Variants in CBLB observed in about 807,000 individuals in gnomAD.
The protein encoded by CBLB is Cbl proto-oncogene B.
Under a neutral mutation model 104.9 loss-of-function variants are expected in CBLB, and 31 were observed. The observed-to-expected ratio is 0.30, with a 90% CI of 0.22 to 0.40. The LOEUF (loss-of-function observed/expected upper bound fraction) is 0.40. Ranked by LOEUF, CBLB falls within the 10% of genes least tolerant of loss-of-function variation. The pLI is 1.00. For synonymous variants in CBLB, 440 were observed against 422.6 expected, an observed-to-expected ratio of 1.04 and a Z score of -0.51; for missense variants, 1,062 against 1,214.6, an observed-to-expected ratio of 0.87 and a Z score of 1.87.
intron 5 of CBLB, among the ~76,000 whole-genome samples, chr3:105,750,947 T>C (rs2076540929): frequency 6.6e-6 from 1 of 152,208 alleles, no homozygotes; most frequent in Non-Finnish European, 1.5e-5. Flanking sequence ...AAATGTTCAT[T>C]ACACATGGTT....
At chr3:105,676,807 G>A (rs2065699530) in intron 17 of CBLB, among the ~76,000 whole-genome samples, 1 of 152,132 alleles carries the variant, frequency 6.6e-6, no homozygotes, top group South Asian at 2.1e-4. Context: ...CTGGATCATG[G>A]GGGTGGTTCC....
intron 3 of CBLB, among the ~76,000 whole-genome samples, chr3:105,796,448 G>A (rs2082266076): frequency 6.6e-6 from 1 of 152,058 alleles, no homozygotes; most frequent in Non-Finnish European, 1.5e-5. Flanking sequence ...CAACTCATGA[G>A]GATTAAAGAC....
At chr3:105,738,618 T>C (rs2075200522) in intron 7 of CBLB, among the ~76,000 whole-genome samples, 1 of 152,040 alleles carries the variant, frequency 6.6e-6, no homozygotes, top group Non-Finnish European at 1.5e-5. Context: ...AAAATCATGA[T>C]TAGGGTACCA....
At chr3:105,691,817 T>A (rs3821489) in intron 13 of CBLB, among the ~76,000 whole-genome samples, 27,076 of 152,160 alleles carry the variant, frequency 0.18, 2,830 homozygotes, top group East Asian at 0.52. Flanking sequence ...GTCCCCTGAA[T>A]GATGCCAAAT....
intron 3 of CBLB, among the ~76,000 whole-genome samples, chr3:105,785,359 T>C (rs1377876251): frequency 1.3e-5 from 2 of 152,230 alleles, no homozygotes; most frequent in Non-Finnish European, 2.9e-5. Context: ...ACTCTGAAGT[T>C]TGACTTTCAA....
At chr3:105,803,572 T>C (rs993660059) in intron 3 of CBLB, among the ~76,000 whole-genome samples, 1 of 152,128 alleles carries the variant, frequency 6.6e-6, no homozygotes, top group Admixed American at 6.6e-5. Flanking sequence ...GCACAGGGAG[T>C]TGTGGCTCAC....
chr3:105,665,846 T>C (rs1247168729), intron 18 of CBLB, among the ~76,000 whole-genome samples: 1 of 151,506 alleles, frequency 6.6e-6, no homozygotes, highest in East Asian at 1.9e-4. Flanking sequence ...CTGGCCAATA[T>C]GGTGAAACCC....
intron 2 of CBLB, among the ~76,000 whole-genome samples, chr3:105,857,759 C>G (rs1214441121): frequency 6.6e-6 from 1 of 152,164 alleles, no homozygotes; most frequent in African/African-American, 2.4e-5. Flanking sequence ...GGCATTGTTT[C>G]AGGCTCTAGG....
chr3:105,703,303 A>T (rs957555474), intron 11 of CBLB, among the ~76,000 whole-genome samples: 2 of 152,214 alleles, frequency 1.3e-5, no homozygotes, highest in African/African-American at 4.8e-5. Flanking sequence ...CAGGAAAATC[A>T]AACACTACTA....
rs1235323193 is a variant in CBLB, at chr3:105,815,435, TGAAA to T, written c.419+37975_419+37978del. ...CAATTTCTATCAGTTCCAATGAAAC[TGAAA>T]GAAATTTCATGATGTATCACTGGCC... On this transcript the variant is annotated intron_variant, in intron 3 of 18. Coordinates refer to ENST00000394030, the MANE Select transcript of CBLB (RefSeq NM_170662.5). 4.3e-4 allele frequency among the ~76,000 whole-genome samples: 66 copies of T among 152,310 alleles called. 1 individual carries two copies. Among genetic ancestry groups the T allele is most frequent in the African/African-American group, 1.6e-3 (66 of 41,566 alleles).
chr3:105,796,638 A>C (rs1184947805), intron 3 of CBLB, among the ~76,000 whole-genome samples: 1 of 152,246 alleles, frequency 6.6e-6, no homozygotes, highest in Non-Finnish European at 1.5e-5. Flanking sequence ...CTATCAACAG[A>C]GTAAACAGAC....
At chr3:105,850,196 G>C (rs1170577926) in intron 3 of CBLB, among the ~76,000 whole-genome samples, 1 of 152,060 alleles carries the variant, frequency 6.6e-6, no homozygotes. Flanking sequence ...CTCTAATTGA[G>C]AGAGAAAATT....
intron 3 of CBLB, among the ~76,000 whole-genome samples, chr3:105,850,841 C>T (rs998759414): frequency 1.3e-5 from 2 of 152,174 alleles, no homozygotes; most frequent in African/African-American, 4.8e-5. Context: ...CTTTAAAACA[C>T]TTGTCTCCAA....
Position 105,720,152 on chromosome 3 carries a change from C to T in CBLB, c.1302G>A (p.Arg434=). 6.2e-7 allele frequency: 1 copy of T among 1,613,852 alleles called. No individual in the cohort carries two copies. The part of the protein sequence containing the change: ...DPFDPRDEGS[R]CCSIIDPFGM... ...CAAAGGGGTCAATGATGCTGCAACA[C>T]CTGGAGCCTTCATCTCTTGGATCAA... The change falls in exon 10 of 19, where the codon AGG becomes AGA. Residue 434 remains arginine (R), a synonymous_variant. Coordinates refer to ENST00000394030, the MANE Select transcript of CBLB (RefSeq NM_170662.5).
At chr3:105,858,977 A>T (rs2091869512) in intron 2 of CBLB, among the ~76,000 whole-genome samples, 1 of 152,230 alleles carries the variant, frequency 6.6e-6, no homozygotes, top group East Asian at 1.9e-4. Flanking sequence ...TTAGATACAT[A>T]TATTCAACCA....
intron 3 of CBLB, among the ~76,000 whole-genome samples, chr3:105,798,110 C>T (rs2082435691): frequency 6.6e-6 from 1 of 152,136 alleles, no homozygotes; most frequent in Admixed American, 6.5e-5. Flanking sequence ...GACAAGCTAA[C>T]GTACAAAATA....
At chr3:105,754,141 G>C (rs1481421152) in intron 4 of CBLB, among the ~76,000 whole-genome samples, 2 of 151,984 alleles carry the variant, frequency 1.3e-5, no homozygotes, top group African/African-American at 4.8e-5. Context: ...GTGGGGCTGG[G>C]GAACAGAGGT....
intron 2 of CBLB, among the ~76,000 whole-genome samples, chr3:105,854,951 C>T (rs1002959860): frequency 2.6e-5 from 4 of 151,990 alleles, no homozygotes; most frequent in Middle Eastern, 3.2e-3. Flanking sequence ...ATATCTTAAA[C>T]ATAATTGGCT....
intron 2 of CBLB, among the ~76,000 whole-genome samples, chr3:105,859,906 T>C (rs75891244): frequency 0.014 from 2,067 of 152,262 alleles, 44 homozygotes; most frequent in African/African-American, 0.047. Flanking sequence ...ACTTTTTTAA[T>C]AGATTATTAA....
Sources: allele counts gnomAD v4.1 joint callset (sites outside exome capture counted in the v4.1 genomes callset), GRCh38; gene constraint gnomAD v4.1.1; transcripts MANE v1.5; gene names NCBI Gene and HGNC (gene_info 2026-07-23, HGNC 2026-07-21).